The following CELA2B variants were observed in gnomAD, a reference collection of about 807,000 sequenced individuals.
The protein encoded by CELA2B is chymotrypsin-like elastase family member 2B.
In CELA2B, 27 loss-of-function variants were observed where a neutral mutation model predicts 36.5. The observed-to-expected ratio is 0.74, with a 90% CI of 0.55 to 1.02. The LOEUF is 1.02. Ranked by LOEUF, CELA2B falls within the 50% of genes least tolerant of loss-of-function variation. The pLI is 0.00. For synonymous variants in CELA2B, 143 were observed against 148.5 expected, an observed-to-expected ratio of 0.96 and a Z score of 0.27; for missense variants, 340 against 347.8, an observed-to-expected ratio of 0.98 and a Z score of 0.18.
chr1:15,484,901 A>ATTT (rs1173212338), intron 5 of CELA2B, among the ~76,000 whole-genome samples: 2 of 145,798 alleles, frequency 1.4e-5, no homozygotes, highest in African/African-American at 5.0e-5. Context: ...AAAAAGCTTG[A>ATTT]TTTTTTTTTT....
chr1:15,480,368 C>A (rs775663105), intron 2 of CELA2B, among the ~76,000 whole-genome samples: 1 of 152,162 alleles, frequency 6.6e-6, no homozygotes, highest in Non-Finnish European at 1.5e-5. Flanking sequence ...CACCACCACA[C>A]CCAGTGGCTA....
In CELA2B at chr1:15,482,341, GTC is replaced by G. The variant is rs1169404007; in HGVS notation, c.308_309del (p.Ser103Ter). 8 of 1,614,164 alleles carry G rather than the reference GTC, an allele frequency of 5.0e-6. No individual in the cohort carries two copies. Among genetic ancestry groups the G allele is most frequent in the Non-Finnish European group, 6.8e-6 (8 of 1,180,024 alleles). On this transcript the variant is annotated frameshift_variant, in exon 4 of 8. Transcript: ENST00000375910. LOFTEE classifies it high-confidence loss of function. ...VAESGSLAVSVSKIVVHKDWN... is the reference protein window; with the variant it reads ...VAESGSLAVSXSKIVVHKDWN... ...AGAGTCCGGCTCGCTGGCCGTCAGTGTCTCTAAGATTGTGGTGCACAAGGACT... is the reference window on the plus strand; with the variant it reads ...AGAGTCCGGCTCGCTGGCCGTCAGTGTCTAAGATTGTGGTGCACAAGGACT...
chr1:15,479,872 G>A (rs757555112), intron 2 of CELA2B, among the ~76,000 whole-genome samples: 4 of 152,174 alleles, frequency 2.6e-5, no homozygotes, highest in Admixed American at 1.3e-4. Context: ...AAGCGGGTTT[G>A]GTGTATGTGC....
At position 15,487,344 on chromosome 1, in the gene CELA2B, C is replaced by T. The variant is rs1361752515; in HGVS notation, c.699C>T (p.Gly233=). ...QASDGRWEVH[G]IGSLTSVLGC... ...CTGACGGCCGGTGGGAGGTGCATGGCATCGGCAGCCTCACGTCGGTCCTTG... is the reference window on the plus strand; with the variant it reads ...CTGACGGCCGGTGGGAGGTGCATGGTATCGGCAGCCTCACGTCGGTCCTTG... The change falls in exon 7 of 8, where the codon GGC becomes GGT. Residue 233 remains glycine (G), a synonymous_variant. Coordinates refer to ENST00000375910, the MANE Select transcript of CELA2B (RefSeq NM_015849.3). The T allele has an allele frequency of 5.6e-6, 9 of 1,614,240 alleles. No homozygotes were observed. Among genetic ancestry groups the T allele is most frequent in the Non-Finnish European group, 6.8e-6 (8 of 1,180,034 alleles).
chr1:15,483,145 C>A, intron 4 of CELA2B, 119 bp from the exon 5 acceptor site: 1 of 1,486,198 alleles, frequency 6.7e-7, no homozygotes, highest in South Asian at 1.3e-5. Context: ...TGGGCCCTGC[C>A]GGTCAGAGCA....
intron 3 of CELA2B, chr1:15,481,675 A>G (rs1708743380): frequency 2.1e-6 from 1 of 471,648 alleles, no homozygotes; most frequent in Non-Finnish European, 4.4e-6. Context: ...AGGTTCTGCA[A>G]CGTTGTTCAC....
rs757796070 is a variant in CELA2B, at chr1:15,485,983, G to A, written c.576G>A (p.Trp192Ter). The A allele has an allele frequency of 9.3e-6, 15 of 1,614,184 alleles. No homozygotes were observed. The highest frequency in any genetic ancestry group is 1.2e-5 in the Non-Finnish European group (14 of 1,180,038). ...DYATCSSSGW[W>*]GSTVKTNMIC... ...CCACCTGCTCCAGCTCTGGCTGGTGGGGCAGCACCGTGAAGACGAATATGA... is the reference window on the plus strand; with the variant it reads ...CCACCTGCTCCAGCTCTGGCTGGTGAGGCAGCACCGTGAAGACGAATATGA... Residue 192 changes from tryptophan (W) to a stop codon, truncating the protein, a stop_gained, in exon 6 of 8, where the codon TGG becomes TGA. Coordinates refer to ENST00000375910, the MANE Select transcript of CELA2B (RefSeq NM_015849.3). LOFTEE classifies it high-confidence loss of function.
rs574028572 is a variant in CELA2B at position 15,485,995 on chromosome 1, G to C, written c.588G>C (p.Val196=). 1 of 1,614,218 alleles carries C rather than the reference G, an allele frequency of 6.2e-7. No homozygotes were observed. The highest frequency in any genetic ancestry group is 1.3e-5 in the African/African-American group (1 of 75,056). Residue 196 remains valine (V), a synonymous_variant, in exon 6 of 8, where the codon GTG becomes GTC. Transcript: ENST00000375910. ...CSSSGWWGST[V]KTNMICAGGD... The stretch of plus-strand genomic sequence containing the variant: ...GCTCTGGCTGGTGGGGCAGCACCGT[G>C]AAGACGAATATGATCTGTGCTGGGG...
intron 2 of CELA2B, among the ~76,000 whole-genome samples, chr1:15,478,646 A>T (rs1708701758): frequency 2.7e-5 from 4 of 150,760 alleles, no homozygotes; most frequent in African/African-American, 7.3e-5. Context: ...GCTAACTGCA[A>T]CCTCAGCCTT....
chr1:15,490,837 T>G (rs1708876132), intron 7 of CELA2B: 1 of 170,506 alleles, frequency 5.9e-6, no homozygotes, highest in Admixed American at 5.8e-5. Context: ...GCCACTGTAC[T>G]CGTCTGGGCA....
At chr1:15,487,713 AATG>A (rs1384569422) in intron 7 of CELA2B, among the ~76,000 whole-genome samples, 1 of 152,222 alleles carries the variant, frequency 6.6e-6, no homozygotes, top group Non-Finnish European at 1.5e-5. Context: ...GTTCCACAGG[AATG>A]ATTTTATTTT....
intron 1 of CELA2B, 62 bp from the exon 2 acceptor site, chr1:15,476,395 T>A: frequency 2.6e-6 from 4 of 1,528,986 alleles, no homozygotes; most frequent in Non-Finnish European, 3.6e-6. Flanking sequence ...GAATGCAGCA[T>A]GTATAGTTTA....
chr1:15,488,322 G>T (rs1249368636), intron 7 of CELA2B, among the ~76,000 whole-genome samples: 3 of 152,130 alleles, frequency 2.0e-5, no homozygotes, highest in African/African-American at 7.2e-5. Context: ...AAGAGGTGGA[G>T]CCTACAGTAA....
intron 7 of CELA2B, chr1:15,490,947 C>T: frequency 3.1e-6 from 1 of 318,812 alleles, no homozygotes. Context: ...TGCATAACTG[C>T]CTTGCAAACA....
At chr1:15,489,708 C>T (rs1708850439) in intron 7 of CELA2B, among the ~76,000 whole-genome samples, 1 of 152,186 alleles carries the variant, frequency 6.6e-6, no homozygotes, top group African/African-American at 2.4e-5. Flanking sequence ...AGTTGAATGA[C>T]AGTCACACAT....
chr1:15,485,325 C>T (rs146190758), intron 5 of CELA2B, among the ~76,000 whole-genome samples: 1 of 152,328 alleles, frequency 6.6e-6, no homozygotes, highest in East Asian at 1.9e-4. Context: ...TGAAAGCCCT[C>T]CCTTCACCAC....
At position 15,483,294 on chromosome 1, in the gene CELA2B, C is replaced by A; in HGVS notation, c.387C>A (p.Asn129Lys). Reference sequence around the variant, plus strand: ...ACATTGCCCTGCTCAAACTGGCTAACCCCGTCTCCCTCACCGACAAGATCC... The same window carrying A: ...ACATTGCCCTGCTCAAACTGGCTAAACCCGTCTCCCTCACCGACAAGATCC... ...GNDIALLKLA[N>K]PVSLTDKIQL... Residue 129 changes from asparagine (N) to lysine (K), a missense_variant, in exon 5 of 8, where the codon AAC becomes AAA. Coordinates refer to ENST00000375910, the MANE Select transcript of CELA2B (RefSeq NM_015849.3). 2 of 1,613,934 alleles carry A rather than the reference C, an allele frequency of 1.2e-6. No individual in the cohort carries two copies. The highest frequency in any genetic ancestry group is 1.1e-5 in the South Asian group (1 of 91,078).
intron 2 of CELA2B, among the ~76,000 whole-genome samples, chr1:15,478,947 G>A (rs1570806981): frequency 1.3e-5 from 2 of 152,174 alleles, no homozygotes; most frequent in South Asian, 4.1e-4. Flanking sequence ...GAAGGTAACT[G>A]GGACTTGGAA....
chr1:15,481,362 C>T (rs779296747), intron 3 of CELA2B, among the ~76,000 whole-genome samples, 167 bp downstream of exon 3: 4 of 152,152 alleles, frequency 2.6e-5, no homozygotes, highest in African/African-American at 4.8e-5. Context: ...TGTTGGCCCA[C>T]CCATGGGTCA....
Sources: gnomAD v4.1 joint callset for allele counts (sites outside exome capture counted in the v4.1 genomes callset) on GRCh38, gnomAD v4.1.1 for gene constraint, MANE v1.5 for transcripts, NCBI Gene and HGNC (gene_info 2026-07-23, HGNC 2026-07-21) for gene names.